Variants in PCDH15 observed in about 807,000 individuals in gnomAD.
PCDH15 encodes the protein protocadherin related 15, also known as protocadherin-15.
Under a neutral mutation model 178.5 loss-of-function variants are expected in PCDH15, and 129 were observed. That is an observed-to-expected ratio of 0.72 (90% CI 0.63 to 0.84). PCDH15 has a LOEUF of 0.84. PCDH15 is among the 40% of genes least tolerant of loss of function. The pLI, the probability that PCDH15 is intolerant of heterozygous loss-of-function variation, is 0.00. For synonymous variants in PCDH15, 800 were observed against 732.0 expected, an observed-to-expected ratio of 1.09 and a Z score of -1.50; for missense variants, 2,230 against 2,099.9, an observed-to-expected ratio of 1.06 and a Z score of -1.21.
intron 2 of PCDH15, among the ~76,000 whole-genome samples, chr10:54,546,968 A>C (rs1484816732): frequency 6.6e-6 from 1 of 152,180 alleles, no homozygotes; most frequent in East Asian, 1.9e-4. Flanking sequence ...CTGCTCCATG[A>C]AGTCTGTAAT....
At chr10:54,312,409 T>A (rs1393075690) in intron 8 of PCDH15, among the ~76,000 whole-genome samples, 3 of 152,090 alleles carry the variant, frequency 2.0e-5, no homozygotes, top group Non-Finnish European at 4.4e-5. Flanking sequence ...TTCCATATGC[T>A]CTTCTTATAA....
At chr10:53,848,954 C>A in intron 28 of PCDH15, among the ~76,000 whole-genome samples, 1 of 152,036 alleles carries the variant, frequency 6.6e-6, no homozygotes, top group East Asian at 1.9e-4. Context: ...ATTGATCTTC[C>A]AATAAAATAT....
At chr10:55,348,743 G>C (rs1844829792) in intron 2 of PCDH15, among the ~76,000 whole-genome samples, 1 of 152,076 alleles carries the variant, frequency 6.6e-6, no homozygotes, top group Admixed American at 6.6e-5. Context: ...GCTGAGACAG[G>C]GTTTTTCTTA....
rs528346155 is a variant in PCDH15, at chr10:53,807,133, GATAAA to G, written c.4672-8_4672-4del. On this transcript the variant is annotated splice_polypyrimidine_tract_variant and splice_region_variant and intron_variant, in intron 37 of 37. Coordinates refer to ENST00000644397, the MANE Select transcript of PCDH15 (RefSeq NM_001384140.1). The stretch of plus-strand genomic sequence containing the variant: ...TTGATCATTCTTTTTCTTGCCCACT[GATAAA>G]ATAAACAAAAATATGTGAGTCACTA... 776 of 1,575,416 alleles carry G rather than the reference GATAAA, an allele frequency of 4.9e-4. 2 individuals carry two copies. The African/African-American group carries it at 8.2e-3, about 17-fold the overall frequency.
intron 5 of PCDH15, among the ~76,000 whole-genome samples, chr10:54,349,143 G>T (rs1043064870): frequency 6.6e-5 from 10 of 152,114 alleles, no homozygotes; most frequent in Admixed American, 5.9e-4. Context: ...AAATTAAACA[G>T]TATCGTCTGT....
chr10:54,921,893 G>T (rs1264528276), intron 2 of PCDH15, among the ~76,000 whole-genome samples: 1 of 152,160 alleles, frequency 6.6e-6, no homozygotes, highest in East Asian at 1.9e-4. Flanking sequence ...CAAAAGGGAG[G>T]CAAGCACCTC....
intron 3 of PCDH15, among the ~76,000 whole-genome samples, chr10:54,422,265 C>T (rs2135856546): frequency 6.6e-6 from 1 of 152,044 alleles, no homozygotes; most frequent in Non-Finnish European, 1.5e-5. Flanking sequence ...CTATCTTTTA[C>T]AGGCTATGTG....
Position 53,820,266 on chromosome 10 carries a change from G to A in PCDH15, c.4368-36C>T, listed in dbSNP as rs137914187. 869 of 397,274 alleles carry A rather than the reference G, an allele frequency of 2.2e-3. 3 individuals carry two copies. The highest frequency in any genetic ancestry group is 3.2e-3 in the Middle Eastern group (5 of 1,584). The allele number at this position is 397,274 out of a possible 1,614,324, so 24.6% of individuals were successfully genotyped here. ...TCAGTGAAAGAAAGAAAAAAATCACGTTCAAGAACCCCAAGAAAGTAATTA... is the reference window on the plus strand; with the variant it reads ...TCAGTGAAAGAAAGAAAAAAATCACATTCAAGAACCCCAAGAAAGTAATTA... On this transcript the variant is annotated intron_variant, in intron 32 of 37. Coordinates refer to ENST00000644397, the MANE Select transcript of PCDH15 (RefSeq NM_001384140.1).
At chr10:54,099,514 AT>A (rs67771174) in intron 15 of PCDH15, among the ~76,000 whole-genome samples, 18,190 of 92,006 alleles carry the variant, frequency 0.2, 2,246 homozygotes, top group East Asian at 0.57. Context: ...AAAAAAAAAA[AT>A]ATATATATAT....
intron 28 of PCDH15, among the ~76,000 whole-genome samples, chr10:53,847,807 T>G (rs2078073512): frequency 6.6e-6 from 1 of 152,122 alleles, no homozygotes; most frequent in Non-Finnish European, 1.5e-5. Flanking sequence ...CTTTCTCATC[T>G]GTTTGCTTTA....
intron 28 of PCDH15, 38 bp downstream of exon 28, chr10:53,857,137 A>G (rs768432851): frequency 7.4e-7 from 1 of 1,360,384 alleles, no homozygotes; most frequent in East Asian, 2.3e-5. Context: ...AATCATGGTC[A>G]TATAAAAATA....
At chr10:53,912,989 T>C (rs1036970980) in intron 25 of PCDH15, among the ~76,000 whole-genome samples, 4 of 151,968 alleles carry the variant, frequency 2.6e-5, no homozygotes, top group African/African-American at 9.7e-5. Context: ...TCCCAGACAA[T>C]CCTAAGCAAA....
At chr10:54,581,014 G>A (rs760854938) in intron 2 of PCDH15, among the ~76,000 whole-genome samples, 3 of 152,072 alleles carry the variant, frequency 2.0e-5, no homozygotes, top group South Asian at 2.1e-4. Context: ...GGGCAAAAGC[G>A]GGATCAATCC....
intron 21 of PCDH15, among the ~76,000 whole-genome samples, chr10:53,969,791 TACAG>T (rs2134417514): frequency 6.6e-6 from 1 of 152,266 alleles, no homozygotes; most frequent in East Asian, 1.9e-4. Flanking sequence ...TAAAATCCTT[TACAG>T]ACAAACAAAT....
At chr10:54,043,740 A>T (rs2135540094) in intron 18 of PCDH15, among the ~76,000 whole-genome samples, 1 of 152,190 alleles carries the variant, frequency 6.6e-6, no homozygotes, top group South Asian at 2.1e-4. Flanking sequence ...AGTCTTCCAC[A>T]CCAGTATTGG....
chr10:54,262,866 C>T (rs1368115759), intron 8 of PCDH15, among the ~76,000 whole-genome samples: 3 of 152,134 alleles, frequency 2.0e-5, no homozygotes, highest in African/African-American at 7.2e-5. Flanking sequence ...TGGGGAAAGC[C>T]TAGTTGGTTG....
chr10:55,436,731 A>G (rs1024714524), intron 2 of PCDH15, among the ~76,000 whole-genome samples: 6 of 152,204 alleles, frequency 3.9e-5, no homozygotes, highest in African/African-American at 1.4e-4. Flanking sequence ...TTTATTAAGC[A>G]CTTAATGAAA....
At position 54,246,380 on chromosome 10, in the gene PCDH15, T is replaced by C. The variant is rs189416315; in HGVS notation, c.877-9449A>G. Among the ~76,000 whole-genome samples, 359 of 152,050 alleles carry C rather than the reference T, an allele frequency of 2.4e-3. 1 individual carries two copies. The highest frequency in any genetic ancestry group is 8.4e-3 in the African/African-American group (349 of 41,548). On this transcript the variant is annotated intron_variant, in intron 8 of 37. Transcript: ENST00000644397. ...GATTTGTAATATGAAAGATTTGTTT[T>C]ACCTGTTTTAAATTTTCTATAAATT...
intron 2 of PCDH15, among the ~76,000 whole-genome samples, chr10:55,553,252 T>C (rs999238897): frequency 1.3e-5 from 2 of 151,514 alleles, no homozygotes; most frequent in African/African-American, 4.8e-5. Context: ...TTATTTTGTG[T>C]GGTTCACCTC....
Sources: gnomAD v4.1 joint callset for allele counts (sites outside exome capture counted in the v4.1 genomes callset) on GRCh38, gnomAD v4.1.1 for gene constraint, MANE v1.5 for transcripts, NCBI Gene and HGNC (gene_info 2026-07-23, HGNC 2026-07-21) for gene names.